Variants in ATXN3 observed in about 807,000 individuals in gnomAD.
ATXN3 encodes ataxin 3.
A neutral mutation model predicts 58.2 loss-of-function variants in ATXN3; 28 were observed. The observed-to-expected ratio is 0.48, with a 90% confidence interval of 0.36 to 0.66. ATXN3 has a LOEUF of 0.66. ATXN3 is among the 30% of genes least tolerant of loss of function. The pLI, the probability that ATXN3 is intolerant of heterozygous loss-of-function variation, is 0.00. For synonymous variants in ATXN3, 113 were observed against 138.5 expected (o/e 0.82, Z 1.29); for missense variants, 321 against 422.1 (o/e 0.76, Z 2.10).
intron 5 of ATXN3, among the ~76,000 whole-genome samples, chr14:92,090,121 AT>A (rs1307598898): frequency 6.6e-6 from 1 of 152,108 alleles, no homozygotes; most frequent in Admixed American, 6.6e-5. Context: ...ATATAAACAC[AT>A]TTTTTTAAAA....
At chr14:92,083,382 A>T in intron 6 of ATXN3, 124 bp from the exon 7 acceptor site, 1 of 962,672 alleles carries the variant, frequency 1.0e-6, no homozygotes, top group Admixed American at 2.6e-5. Flanking sequence ...AGGATTCAGA[A>T]AGACTTTAGT....
At chr14:92,046,301 A>C (rs1407224137) in intron 2 of ATXN3, 1 of 142,916 alleles carries the variant, frequency 7.0e-6, no homozygotes, top group African/African-American at 2.7e-5. Flanking sequence ...CGATTAGGCC[A>C]GGTGGAACTG....
intron 2 of ATXN3, 94 bp from the exon 3 acceptor site, chr14:92,096,231 T>A: frequency 2.5e-6 from 4 of 1,609,590 alleles, no homozygotes; most frequent in Non-Finnish European, 3.4e-6. Flanking sequence ...CAATATCTTG[T>A]GCATTCCCAT....
In ATXN3 at chr14:92,084,797, C is replaced by A. The variant is rs536017064; in HGVS notation, c.476-1539G>T. ...GTTTCACCATGTTGGCTGGGCTGGT[C>A]TCGAACTCCTGACCTCAGGTGATCT... On this transcript the variant is annotated intron_variant, in intron 6 of 10. Coordinates refer to ENST00000644486, the MANE Select transcript of ATXN3 (RefSeq NM_004993.6). 3.9e-4 allele frequency among the ~76,000 whole-genome samples: 60 copies of A among 152,156 alleles called. 2 individuals carry two copies. In the South Asian group the frequency reaches 0.012, roughly 29 times the overall value.
At chr14:92,095,974 A>C in intron 3 of ATXN3, 119 bp downstream of exon 3, 1 of 853,162 alleles carries the variant, frequency 1.2e-6, no homozygotes, top group Non-Finnish European at 2.0e-6. Context: ...CTAGAGTATA[A>C]TCTATACTCT....
chr14:92,083,453 T>C, intron 6 of ATXN3, 195 bp from the exon 7 acceptor site: 1 of 682,552 alleles, frequency 1.5e-6, no homozygotes, highest in East Asian at 2.9e-5. Flanking sequence ...TTAAAGTCTC[T>C]GAGCCTCACT....
intron 10 of ATXN3, among the ~76,000 whole-genome samples, chr14:92,070,553 T>C (rs1463073744): frequency 6.6e-6 from 1 of 152,190 alleles, no homozygotes; most frequent in Non-Finnish European, 1.5e-5. Flanking sequence ...CACTCCAGCC[T>C]GGGTGACAGA....
intron 6 of ATXN3, 81 bp from the exon 7 acceptor site, chr14:92,083,339 G>C (rs2061807171): frequency 7.4e-7 from 1 of 1,346,176 alleles, no homozygotes; most frequent in Non-Finnish European, 1.0e-6. Flanking sequence ...AGATAAAAAG[G>C]CAGCACAGAA....
At chr14:92,076,778 A>G (rs1002023720) in intron 9 of ATXN3, among the ~76,000 whole-genome samples, 5 of 151,780 alleles carry the variant, frequency 3.3e-5, no homozygotes, top group African/African-American at 1.2e-4. Flanking sequence ...CATGTCTACA[A>G]AAGACACAAA....
rs1375516131 is a variant in ATXN3, at chr14:92,060,657, T to C, written c.*3663A>G. ...TTTTAAAATTATCATATTTTGATTA[T>C]GCACTGAATCTATTTTTTATCTGTA... is the stretch of plus-strand genomic sequence containing the variant. On this transcript the variant is annotated 3_prime_UTR_variant, in exon 11 of 11. Coordinates refer to ENST00000644486, the MANE Select transcript of ATXN3 (RefSeq NM_004993.6). The C allele has an allele frequency of 1.3e-5, 2 of 152,162 alleles. No homozygotes were observed. The highest frequency in any genetic ancestry group is 4.8e-5 in the African/African-American group (2 of 41,440). 9.4% of individuals were successfully genotyped at this position (152,162 alleles called of 1,614,324 possible).
intron 9 of ATXN3, among the ~76,000 whole-genome samples, chr14:92,073,960 C>G (rs1301272987): frequency 3.4e-5 from 5 of 148,524 alleles, no homozygotes; most frequent in Admixed American, 6.8e-5. Context: ...TTGCAATGCG[C>G]CAAGATTGCA....
chr14:92,103,894 G>T (rs1203823479), intron 1 of ATXN3, among the ~76,000 whole-genome samples: 1 of 152,188 alleles, frequency 6.6e-6, no homozygotes, highest in East Asian at 1.9e-4. Flanking sequence ...AGGGTTAAAG[G>T]TATATTGCAG....
rs372673909 is a variant in ATXN3, at chr14:92,069,133, C to G, written c.991+1802G>C. ...TGGTCTTGTCACCCAGGCTGGAGTT[C>G]AATGGCACAATCTTGGCTCACTGCA... On this transcript the variant is annotated intron_variant, in intron 10 of 10. Coordinates refer to ENST00000644486, the MANE Select transcript of ATXN3 (RefSeq NM_004993.6). Among the ~76,000 whole-genome samples the G allele has an allele frequency of 3.8e-4, 52 of 138,524 alleles. No individual in the cohort carries two copies. In the East Asian group the frequency reaches 0.011, roughly 28 times the overall value. The allele number at this position is 138,524 out of a possible 152,430, so 90.9% of individuals were successfully genotyped here.
At chr14:92,087,325 C>A (rs1003643770) in intron 6 of ATXN3, among the ~76,000 whole-genome samples, 9 of 152,112 alleles carry the variant, frequency 5.9e-5, no homozygotes, top group African/African-American at 2.2e-4. Context: ...GTAGCACAAG[C>A]CTGTAGTCCC....
chr14:92,093,478 G>A, intron 4 of ATXN3, 160 bp from the exon 5 acceptor site: 1 of 622,584 alleles, frequency 1.6e-6, no homozygotes, highest in Non-Finnish European at 2.8e-6. Context: ...GAACGTCTCT[G>A]CAGCAGCTTA....
At chr14:92,071,199 T>C (rs1566923603) in intron 9 of ATXN3, 146 bp from the exon 10 acceptor site, 2 of 1,219,510 alleles carry the variant, frequency 1.6e-6, no homozygotes, top group Non-Finnish European at 1.2e-6. Context: ...GCAGTTAGTC[T>C]GATACAGATT....
intron 8 of ATXN3, among the ~76,000 whole-genome samples, chr14:92,081,443 G>T (rs2061436609): frequency 1.4e-5 from 2 of 143,196 alleles, no homozygotes; most frequent in Admixed American, 7.1e-5. Flanking sequence ...ACTCCAGGCT[G>T]GGCGACAGTG....
chr14:92,102,684 T>C (rs147282222), intron 1 of ATXN3, among the ~76,000 whole-genome samples: 26 of 152,310 alleles, frequency 1.7e-4, no homozygotes, highest in Non-Finnish European at 3.5e-4. Context: ...CAGCACTATC[T>C]GCCAGGGAGC....
rs1207962729 is a variant in ATXN3, at chr14:92,060,275, T to TTTTTG, written c.*4044_*4045insCAAAA. ...ATATATATATATATATATATATTTT[T>TTTTTG]TTTTTTCAGAAACAGTGTCTCACTC... On this transcript the variant is annotated 3_prime_UTR_variant, in exon 11 of 11. Transcript: ENST00000644486. 6.8e-6 allele frequency: 1 copy of TTTTTG among 147,432 alleles called. No homozygotes were observed. The highest frequency in any genetic ancestry group is 6.8e-5 in the Admixed American group (1 of 14,714). The allele number at this position is 147,432 out of a possible 1,614,324, so 9.1% of individuals were successfully genotyped here. A position where few individuals can be genotyped will look rare whatever the true frequency, so the allele number is the denominator to read the frequency against.
Sources: gnomAD v4.1 joint callset for allele counts (sites outside exome capture counted in the v4.1 genomes callset) on GRCh38, gnomAD v4.1.1 for gene constraint, MANE v1.5 for transcripts, NCBI Gene and HGNC (gene_info 2026-07-23, HGNC 2026-07-21) for gene names.